HPSE2: variants seen among roughly 807,000 people sequenced by gnomAD.
The protein encoded by HPSE2 is inactive heparanase-2.
A neutral mutation model predicts 60.5 loss-of-function variants in HPSE2; 38 were observed. That is an observed-to-expected ratio of 0.63 (90% CI 0.48 to 0.82). The LOEUF is 0.82. HPSE2 is among the 40% of genes least tolerant of loss of function. HPSE2 has a pLI of 0.00. For synonymous variants in HPSE2, 295 were observed against 293.2 expected, an observed-to-expected ratio of 1.01 and a Z score of -0.06; for missense variants, 713 against 740.4, an observed-to-expected ratio of 0.96 and a Z score of 0.43.
intron 2 of HPSE2, among the ~76,000 whole-genome samples, chr10:99,229,727 T>A (rs960596387): frequency 6.6e-6 from 1 of 152,218 alleles, no homozygotes; most frequent in African/African-American, 2.4e-5. Flanking sequence ...CCAGTAGGTA[T>A]ATCTTATTAC....
the HPSE2 span, among the ~76,000 whole-genome samples, chr10:99,271,467 T>G: frequency 6.6e-6 from 1 of 152,108 alleles, no homozygotes; most frequent in African/African-American, 2.4e-5. Flanking sequence ...CAAGGAAAAC[T>G]ACTAAACACT....
At chr10:99,237,619 G>T (rs564621802), upstream of HPSE2, among the ~76,000 whole-genome samples, 2 of 152,334 alleles carry the variant, frequency 1.3e-5, no homozygotes, top group Admixed American at 6.5e-5. Flanking sequence ...ATTTAAAGAT[G>T]ATTTTTTTAA....
intron 3 of HPSE2, among the ~76,000 whole-genome samples, chr10:99,101,282 G>A (rs1589657129): frequency 6.6e-6 from 1 of 152,104 alleles, no homozygotes; most frequent in East Asian, 1.9e-4. Context: ...CAAAATAAAG[G>A]GATGGAGGAA....
chr10:98,675,845 T>C (rs749199692), intron 6 of HPSE2, among the ~76,000 whole-genome samples: 3 of 152,008 alleles, frequency 2.0e-5, no homozygotes, highest in Non-Finnish European at 4.4e-5. Context: ...GCCTGGGAAA[T>C]TTTTTTGTAG....
chr10:98,953,467 T>G (rs927576097), intron 3 of HPSE2, among the ~76,000 whole-genome samples: 1 of 152,150 alleles, frequency 6.6e-6, no homozygotes, highest in African/African-American at 2.4e-5. Context: ...CATCAAACTC[T>G]GCTCACGCTG....
chr10:99,284,779 T>C, the HPSE2 span, among the ~76,000 whole-genome samples: 1 of 152,202 alleles, frequency 6.6e-6, no homozygotes, highest in Non-Finnish European at 1.5e-5. Flanking sequence ...ATACAGATTA[T>C]TGCAGCACTA....
chr10:98,963,694 T>C (rs1955740496), intron 3 of HPSE2, among the ~76,000 whole-genome samples: 2 of 152,144 alleles, frequency 1.3e-5, no homozygotes, highest in Admixed American at 6.5e-5. Context: ...GTAGAGACAT[T>C]GCATAACTTA....
intron 3 of HPSE2, among the ~76,000 whole-genome samples, chr10:98,880,186 G>C (rs993883018): frequency 6.6e-6 from 1 of 151,908 alleles, no homozygotes; most frequent in Admixed American, 6.6e-5. Context: ...ACAGTTTTCA[G>C]TTAGAATATT....
rs557150643 is a variant in HPSE2 at position 99,164,976 on chromosome 10, G to A, written c.449-20577C>T. Among the ~76,000 whole-genome samples the A allele has an allele frequency of 8.6e-5, 13 of 151,652 alleles. No homozygotes were observed. In the South Asian group the frequency reaches 1.9e-3, roughly 22 times the overall value. On this transcript the variant is annotated intron_variant, in intron 2 of 11. Transcript: ENST00000370552. ...CGCACGCCTGCGGTCCCAGCTACTC[G>A]GGATCCTGAGGCAGGAGAACCACTT...
At chr10:99,313,592 ATTTTTTT>A in the HPSE2 span, among the ~76,000 whole-genome samples, 33 of 84,644 alleles carry the variant, frequency 3.9e-4, no homozygotes, top group African/African-American at 1.3e-3. Context: ...ACTGACTCCA[ATTTTTTT>A]TTTTTTTTTT....
intron 7 of HPSE2, among the ~76,000 whole-genome samples, chr10:98,630,070 G>T (rs1946319463): frequency 6.6e-6 from 1 of 151,922 alleles, no homozygotes; most frequent in African/African-American, 2.4e-5. Flanking sequence ...TGTTATCTTA[G>T]ACTTTCACAA....
chr10:98,816,715 T>C (rs1270783630), intron 3 of HPSE2, among the ~76,000 whole-genome samples: 1 of 152,176 alleles, frequency 6.6e-6, no homozygotes, highest in African/African-American at 2.4e-5. Context: ...ACTGCCTCCA[T>C]AAACAACTTT....
intron 3 of HPSE2, among the ~76,000 whole-genome samples, chr10:98,967,263 G>A (rs552836843): frequency 3.3e-5 from 5 of 152,296 alleles, no homozygotes; most frequent in East Asian, 3.9e-4. Context: ...CCTCAGCCAC[G>A]CCCCAAATGT....
chr10:99,239,754 C>A (rs1228846365), upstream of HPSE2, among the ~76,000 whole-genome samples: 1 of 151,746 alleles, frequency 6.6e-6, no homozygotes, highest in Non-Finnish European at 1.5e-5. Context: ...TTTATATTAT[C>A]TAGTAAGGAC....
intron 3 of HPSE2, among the ~76,000 whole-genome samples, chr10:99,006,824 G>A (rs1178480970): frequency 6.6e-6 from 1 of 151,996 alleles, no homozygotes; most frequent in Non-Finnish European, 1.5e-5. Flanking sequence ...TATCGGGGCA[G>A]CCACAAGTCC....
chr10:99,110,117 T>C (rs1264452320), intron 3 of HPSE2, among the ~76,000 whole-genome samples: 2 of 152,212 alleles, frequency 1.3e-5, no homozygotes, highest in Non-Finnish European at 2.9e-5. Context: ...TGGTTTTTCC[T>C]CCTAAAAGAA....
intron 6 of HPSE2, among the ~76,000 whole-genome samples, chr10:98,670,662 C>T (rs1041537669): frequency 6.6e-6 from 1 of 152,218 alleles, no homozygotes; most frequent in Non-Finnish European, 1.5e-5. Context: ...CTGGCCTAAA[C>T]CCAGTAGTTA....
intron 6 of HPSE2, among the ~76,000 whole-genome samples, chr10:98,676,287 G>A (rs943054070): frequency 6.6e-6 from 1 of 152,160 alleles, no homozygotes; most frequent in Non-Finnish European, 1.5e-5. Flanking sequence ...GCTGGAGTTT[G>A]CTCAGACTGT....
At chr10:98,584,935 G>C (rs11189693) in intron 9 of HPSE2, among the ~76,000 whole-genome samples, 61,578 of 152,098 alleles carry the variant, frequency 0.4, 15,179 homozygotes, top group Admixed American at 0.52. Context: ...GTAGTAAAAG[G>C]CTCCTGTAGT....
Sources: gnomAD v4.1 joint callset for allele counts (sites outside exome capture counted in the v4.1 genomes callset) on GRCh38, gnomAD v4.1.1 for gene constraint, MANE v1.5 for transcripts, NCBI Gene and HGNC (gene_info 2026-07-23, HGNC 2026-07-21) for gene names.